The following CDK5RAP2 variants were observed in gnomAD, a reference collection of about 807,000 sequenced individuals.
The protein encoded by CDK5RAP2 is CDK5 regulatory subunit associated protein 2, also known as CDK5 regulatory subunit-associated protein 2.
Under a neutral mutation model 232.9 loss-of-function variants are expected in CDK5RAP2, and 147 were observed. The ratio of observed to expected loss-of-function variants is 0.63; its 90% CI spans 0.55 to 0.72. CDK5RAP2 has a LOEUF of 0.72. CDK5RAP2 is among the 30% of genes least tolerant of loss of function. The pLI is 0.00. For missense variants in CDK5RAP2, 2,195 were observed against 2,231.5 expected, an observed-to-expected ratio of 0.98 and a Z score of 0.33; for synonymous variants, 833 against 833.7, an observed-to-expected ratio of 1.00 and a Z score of 0.01.
chr9:120,537,310 GTC>G (rs960132941), intron 6 of CDK5RAP2, among the ~76,000 whole-genome samples: 9 of 152,140 alleles, frequency 5.9e-5, no homozygotes, highest in Admixed American at 1.3e-4. Flanking sequence ...GCTACCATGA[GTC>G]TCTATCAAAT....
Position 120,578,912 on chromosome 9 carries a change from C to T in CDK5RAP2, c.59+1008G>A, listed in dbSNP as rs376428972. Among the ~76,000 whole-genome samples, 11 of 152,248 alleles carry T rather than the reference C, an allele frequency of 7.2e-5. No individual in the cohort carries two copies. The South Asian group carries it at 2.1e-3, about 29-fold the overall frequency. ...CAGTTAGCACAATAAATAACATGGT[C>T]ACCCTTTCAATTAGGATCTGTTGAC... On this transcript the variant is annotated intron_variant, in intron 1 of 37. Coordinates refer to ENST00000349780, the MANE Select transcript of CDK5RAP2 (RefSeq NM_018249.6).
intron 9 of CDK5RAP2, 142 bp from the exon 10 acceptor site, chr9:120,528,067 G>T: frequency 1.7e-6 from 2 of 1,189,808 alleles, no homozygotes; most frequent in South Asian, 2.6e-5. Flanking sequence ...AAGTGGAGCT[G>T]AACATAGTGC....
intron 5 of CDK5RAP2, among the ~76,000 whole-genome samples, chr9:120,542,684 T>C (rs2041685880): frequency 6.6e-6 from 1 of 152,218 alleles, no homozygotes; most frequent in African/African-American, 2.4e-5. Flanking sequence ...GTGACCTTCC[T>C]GGCTGGGAGT....
chr9:120,399,352 T>C (rs2032791105), intron 35 of CDK5RAP2, among the ~76,000 whole-genome samples: 1 of 152,168 alleles, frequency 6.6e-6, no homozygotes, highest in Non-Finnish European at 1.5e-5. Flanking sequence ...AGGCAGGCAC[T>C]ACTTTGGGTG....
chr9:120,400,556 G>A (rs1427034524), intron 35 of CDK5RAP2, among the ~76,000 whole-genome samples, 186 bp downstream of exon 35: 5 of 152,216 alleles, frequency 3.3e-5, no homozygotes, highest in Admixed American at 3.3e-4. Context: ...ACGGGTCATG[G>A]CTACAGGAGT....
At chr9:120,423,690 C>T (rs143608278) in intron 25 of CDK5RAP2, among the ~76,000 whole-genome samples, 2 of 152,212 alleles carry the variant, frequency 1.3e-5, no homozygotes, top group East Asian at 1.9e-4. Flanking sequence ...GACACTGATG[C>T]GTGGCTAAAG....
intron 6 of CDK5RAP2, among the ~76,000 whole-genome samples, chr9:120,536,855 C>G (rs1225083042): frequency 6.6e-6 from 1 of 152,040 alleles, no homozygotes; most frequent in Non-Finnish European, 1.5e-5. Flanking sequence ...TACATAAATT[C>G]CAAAGAGTCA....
chr9:120,436,604 G>C (rs2035594974), intron 25 of CDK5RAP2, among the ~76,000 whole-genome samples: 1 of 152,234 alleles, frequency 6.6e-6, no homozygotes, highest in East Asian at 1.9e-4. Flanking sequence ...GAATTATCTA[G>C]GGAGAAAGGA....
chr9:120,451,781 T>C (rs1322573349), intron 21 of CDK5RAP2, among the ~76,000 whole-genome samples: 2 of 151,404 alleles, frequency 1.3e-5, no homozygotes, highest in Non-Finnish European at 2.9e-5. Context: ...TAAGAGCCTA[T>C]ATTTCTTCAT....
intron 16 of CDK5RAP2, among the ~76,000 whole-genome samples, chr9:120,470,803 G>C (rs1377305860): frequency 1.3e-5 from 2 of 151,352 alleles, no homozygotes; most frequent in Non-Finnish European, 2.9e-5. Flanking sequence ...AAGGGGAGAA[G>C]TGGGGGGCGG....
chr9:120,458,717 G>T (rs764567859), intron 19 of CDK5RAP2, 95 bp from the exon 20 acceptor site: 22 of 1,138,940 alleles, frequency 1.9e-5, no homozygotes, highest in Non-Finnish European at 2.8e-5. Flanking sequence ...GTGAGTAAGT[G>T]AAAATAAGCC....
chr9:120,557,845 A>G (rs1588650846), intron 3 of CDK5RAP2, among the ~76,000 whole-genome samples: 1 of 147,636 alleles, frequency 6.8e-6, no homozygotes, highest in African/African-American at 2.5e-5. Context: ...GCTCACTGCA[A>G]CCTCCGCCTT....
intron 25 of CDK5RAP2, among the ~76,000 whole-genome samples, chr9:120,424,852 A>G (rs983908587): frequency 6.6e-6 from 1 of 151,782 alleles, no homozygotes; most frequent in Non-Finnish European, 1.5e-5. Context: ...AGCACACACC[A>G]CCACCATCAG....
intron 12 of CDK5RAP2, among the ~76,000 whole-genome samples, chr9:120,493,427 A>C (rs1010348677): frequency 5.9e-5 from 9 of 152,202 alleles, no homozygotes; most frequent in African/African-American, 2.2e-4. Context: ...GTGATGAAAA[A>C]CCAAGTTTCT....
At chr9:120,450,139 C>G (rs762415959) in intron 21 of CDK5RAP2, among the ~76,000 whole-genome samples, 12 of 152,152 alleles carry the variant, frequency 7.9e-5, no homozygotes, top group Non-Finnish European at 1.8e-4. Flanking sequence ...TGTGGCATAT[C>G]CACATGGATA....
intron 12 of CDK5RAP2, 69 bp from the exon 13 acceptor site, chr9:120,491,546 C>T (rs1447718154): frequency 1.9e-6 from 2 of 1,052,332 alleles, no homozygotes; most frequent in Middle Eastern, 2.2e-4. Flanking sequence ...GTTTGACTTG[C>T]TAAATTACTG....
intron 14 of CDK5RAP2, among the ~76,000 whole-genome samples, chr9:120,478,972 TTTTAA>T (rs2038166158): frequency 6.6e-6 from 1 of 152,160 alleles, no homozygotes; most frequent in South Asian, 2.1e-4. Context: ...ATACATGCAA[TTTTAA>T]TTTGTCAATT....
intron 3 of CDK5RAP2, among the ~76,000 whole-genome samples, chr9:120,567,600 C>A (rs1026934522): frequency 6.6e-6 from 1 of 152,072 alleles, no homozygotes; most frequent in South Asian, 2.1e-4. Context: ...GACAACAAAC[C>A]CCCTCTGCTA....
chr9:120,484,260 A>C (rs573113402), intron 14 of CDK5RAP2, among the ~76,000 whole-genome samples: 1 of 152,352 alleles, frequency 6.6e-6, no homozygotes, highest in African/African-American at 2.4e-5. Flanking sequence ...CATTTTCTAC[A>C]AAGAAAGAAC....
Sources: allele counts gnomAD v4.1 joint callset (sites outside exome capture counted in the v4.1 genomes callset), GRCh38; gene constraint gnomAD v4.1.1; transcripts MANE v1.5; gene names NCBI Gene and HGNC (gene_info 2026-07-23, HGNC 2026-07-21).